ZNF667: variants seen among roughly 807,000 people sequenced by gnomAD.
The protein encoded by ZNF667 is myocardial ischemic preconditioning upregulated 1 ortholog.
In ZNF667, 13 loss-of-function variants were observed where a neutral mutation model predicts 31.8. The observed-to-expected ratio is 0.41, with a 90% CI of 0.27 to 0.65. The LOEUF is 0.65. Ranked by LOEUF, ZNF667 falls within the 30% of genes least tolerant of loss-of-function variation. The pLI is 0.32. For missense variants in ZNF667, 642 were observed against 725.6 expected, an observed-to-expected ratio of 0.88 and a Z score of 1.32; for synonymous variants, 228 against 247.1, an observed-to-expected ratio of 0.92 and a Z score of 0.73.
Position 56,462,422 on chromosome 19 carries a change from A to G in ZNF667, c.-52T>C. The G allele has an allele frequency of 6.2e-7, 1 of 1,611,776 alleles. No individual in the cohort carries two copies. Among genetic ancestry groups the G allele is most frequent in the Non-Finnish European group, 8.5e-7 (1 of 1,177,826 alleles). Reference sequence around the variant, plus strand: ...CTGAGAGATGGGCAGAGAGCTGGTAAGGCAGGGCTGTGGGGAGAAGACAGG... The same window carrying G: ...CTGAGAGATGGGCAGAGAGCTGGTAGGGCAGGGCTGTGGGGAGAAGACAGG... On this transcript the variant is annotated 5_prime_UTR_variant, in exon 4 of 7. Coordinates refer to ENST00000504904, the MANE Select transcript of ZNF667 (RefSeq NM_001321356.2).
chr19:56,450,267 C>A (rs2042792893), intron 6 of ZNF667, among the ~76,000 whole-genome samples: 1 of 152,074 alleles, frequency 6.6e-6, no homozygotes, highest in South Asian at 2.1e-4. Flanking sequence ...CATCTGGCAG[C>A]AGATTGCTCA....
At chr19:56,475,516 T>C (rs1427341199) in intron 1 of ZNF667, 2 of 152,240 alleles carry the variant, frequency 1.3e-5, no homozygotes, top group Non-Finnish European at 2.9e-5. Flanking sequence ...GGAGACATTT[T>C]TTTTTCGCTT....
intron 3 of ZNF667, chr19:56,470,156 G>A (rs2043259904): frequency 4.9e-6 from 2 of 407,090 alleles, no homozygotes; most frequent in Non-Finnish European, 1.0e-5. Context: ...GCTGGAGGAT[G>A]AGATGAGATC....
intron 6 of ZNF667, among the ~76,000 whole-genome samples, chr19:56,457,426 C>G (rs2042956808): frequency 1.3e-5 from 2 of 152,160 alleles, no homozygotes; most frequent in Admixed American, 1.3e-4. Flanking sequence ...GTCTGGGCCT[C>G]AAACCCTCCT....
At position 56,477,264 on chromosome 19, in the gene ZNF667, C is replaced by T. The variant is rs1240743718; in HGVS notation, c.-662+8G>A. The T allele has an allele frequency of 6.6e-6, 1 of 152,112 alleles. No homozygotes were observed. The highest frequency in any genetic ancestry group is 2.4e-5 in the African/African-American group (1 of 41,444). 9.4% of individuals were successfully genotyped at this position (152,112 alleles called of 1,614,324 possible). On this transcript the variant is annotated splice_region_variant and intron_variant, in intron 1 of 6. Transcript: ENST00000504904. Reference sequence around the variant, plus strand: ...CAGACACACCCACACTCTCGCCAGCCCCCTTACCTCGGTCTTCCCGGGCTC... The same window carrying T: ...CAGACACACCCACACTCTCGCCAGCTCCCTTACCTCGGTCTTCCCGGGCTC...
intron 3 of ZNF667, among the ~76,000 whole-genome samples, chr19:56,464,973 C>T (rs752348376): frequency 6.6e-6 from 1 of 152,226 alleles, no homozygotes; most frequent in Non-Finnish European, 1.5e-5. Context: ...ACTTCCCTTA[C>T]TGTGGAAAGC....
chr19:56,469,965 C>T (rs1208711571), intron 3 of ZNF667: 1 of 486,862 alleles, frequency 2.1e-6, no homozygotes, highest in Admixed American at 2.1e-5. Context: ...GCCACTTCTT[C>T]ACAGCGGAAA....
At chr19:56,457,971 C>T (rs1288990108) in intron 6 of ZNF667, among the ~76,000 whole-genome samples, 184 bp downstream of exon 6, 3 of 152,212 alleles carry the variant, frequency 2.0e-5, no homozygotes, top group Admixed American at 6.5e-5. Context: ...AAAAAGGTGC[C>T]ACCTATGAAC....
intron 5 of ZNF667, 100 bp downstream of exon 5, chr19:56,460,589 A>T: frequency 7.3e-7 from 1 of 1,363,154 alleles, no homozygotes; most frequent in African/African-American, 1.5e-5. Context: ...AGCTCTTTTA[A>T]AAAAGAAACT....
chr19:56,469,643 T>C (rs114869119), intron 3 of ZNF667, among the ~76,000 whole-genome samples: 2,069 of 152,304 alleles, frequency 0.014, 63 homozygotes, highest in African/African-American at 0.047. Context: ...AACCATTCTA[T>C]TTAATAATGC....
In ZNF667 at chr19:56,441,546, T is replaced by G. The variant is rs1400830305; in HGVS notation, c.1449A>C (p.Arg483=). The change falls in exon 7 of 7, where the codon CGA becomes CGC. Residue 483 remains arginine (R), a synonymous_variant. Transcript: ENST00000504904. The surrounding 1 kb of genome is among the most constrained non-coding windows in gnomAD (Gnocchi z 4.2). ...CEECGKAFSH[R]ISLTRHKRIH... is the part of the protein sequence containing the mutation. ...TTCTCTTATGTCGTGTGAGAGATAT[T>G]CGGTGGCTGAAGGCTTTTCCACATT... 1 of 1,614,232 alleles carries G rather than the reference T, an allele frequency of 6.2e-7. No homozygotes were observed. Among genetic ancestry groups the G allele is most frequent in the Admixed American group, 1.7e-5 (1 of 60,030 alleles).
Position 56,440,490 on chromosome 19 carries a change from G to T in ZNF667, c.*672C>A. The T allele has an allele frequency of 1.4e-6, 1 of 720,064 alleles. No homozygotes were observed. Among genetic ancestry groups the T allele is most frequent in the Admixed American group, 6.3e-5 (1 of 15,936 alleles). The allele number at this position is 720,064 out of a possible 1,614,324, so 44.6% of individuals were successfully genotyped here. On this transcript the variant is annotated 3_prime_UTR_variant, in exon 7 of 7. Coordinates refer to ENST00000504904, the MANE Select transcript of ZNF667 (RefSeq NM_001321356.2). ...TTTTGCCGAGAAGTTCCTTATATTT[G>T]ATAATTCTAGATCTGAGAAACAGAC...
At chr19:56,469,420 C>T (rs8112950) in intron 3 of ZNF667, among the ~76,000 whole-genome samples, 20,848 of 152,214 alleles carry the variant, frequency 0.14, 1,489 homozygotes, top group Middle Eastern at 0.17. Flanking sequence ...GGGCAAGCCA[C>T]TGAACCTCTC....
At chr19:56,460,846 A>G (rs372689396) in intron 4 of ZNF667, 31 bp from the exon 5 acceptor site, 2 of 1,549,650 alleles carry the variant, frequency 1.3e-6, no homozygotes, top group Admixed American at 2.0e-5. Context: ...TCTATTCACC[A>G]TGGACTTGTG....
chr19:56,456,642 T>C (rs1032831272), intron 6 of ZNF667, among the ~76,000 whole-genome samples: 1 of 152,128 alleles, frequency 6.6e-6, no homozygotes, highest in Non-Finnish European at 1.5e-5. Context: ...GCAGATACGC[T>C]GATGTTAATA....
chr19:56,466,935 A>G (rs1422323547), intron 3 of ZNF667: 14 of 451,124 alleles, frequency 3.1e-5, no homozygotes, highest in African/African-American at 1.4e-4. Flanking sequence ...ACCCTACTCT[A>G]TAACAGGGTA....
At chr19:56,463,164 G>C (rs1160732065) in intron 3 of ZNF667, among the ~76,000 whole-genome samples, 1 of 152,110 alleles carries the variant, frequency 6.6e-6, no homozygotes, top group Non-Finnish European at 1.5e-5. Context: ...TGACATCACT[G>C]GGGGAGGAGG....
chr19:56,466,463 C>T (rs569064705), intron 3 of ZNF667, among the ~76,000 whole-genome samples: 20 of 152,302 alleles, frequency 1.3e-4, no homozygotes, highest in Non-Finnish European at 2.5e-4. Flanking sequence ...TGGGAGGCAG[C>T]TGGAGGTGTG....
chr19:56,463,532 T>A (rs367549893), intron 3 of ZNF667, among the ~76,000 whole-genome samples: 1 of 150,990 alleles, frequency 6.6e-6, no homozygotes, highest in East Asian at 1.9e-4. Flanking sequence ...TTTTCTTCCC[T>A]TTTTTTTTCT....
Sources: gnomAD v4.1 joint callset for allele counts (sites outside exome capture counted in the v4.1 genomes callset) on GRCh38, gnomAD v4.1.1 for gene constraint, Gnocchi (gnomAD v3.1) non-coding constraint, MANE v1.5 for transcripts, NCBI Gene and HGNC (gene_info 2026-07-23, HGNC 2026-07-21) for gene names.